CHDH: variants seen among roughly 807,000 people sequenced by gnomAD.
CHDH encodes the protein choline dehydrogenase, mitochondrial.
A neutral mutation model predicts 56.9 loss-of-function variants in CHDH; 43 were observed. The ratio of observed to expected loss-of-function variants is 0.76; its 90% confidence interval spans 0.59 to 0.97. The LOEUF is 0.97. Among genes scored for constraint, CHDH ranks in the 50% least tolerant of loss-of-function variants. The probability of loss-of-function intolerance (pLI) is 0.00; values close to 1 mark genes in which losing one functional copy is unlikely to be tolerated. For synonymous variants in CHDH, 364 were observed against 348.5 expected (o/e 1.04, Z -0.50); for missense variants, 816 against 821.1 (o/e 0.99, Z 0.08).
intron 2 of CHDH, among the ~76,000 whole-genome samples, chr3:53,832,485 T>TCC (rs1698367587): frequency 6.6e-6 from 1 of 151,784 alleles, no homozygotes; most frequent in Admixed American, 6.6e-5. Flanking sequence ...TGAGCCGAGA[T>TCC]CGTACCACTG....
At chr3:53,824,880 A>G (rs1559754216) in intron 2 of CHDH, among the ~76,000 whole-genome samples, 1 of 152,240 alleles carries the variant, frequency 6.6e-6, no homozygotes, top group Non-Finnish European at 1.5e-5. Context: ...AGGCCTGCCC[A>G]AGACAGGCTG....
In CHDH at chr3:53,819,073, C is replaced by T. The variant is rs750473356; in HGVS notation, c.1264-33G>A. 3 of 1,445,548 alleles carry T rather than the reference C, an allele frequency of 2.1e-6. No homozygotes were observed. The Admixed American group carries it at 5.1e-5, about 25-fold the overall frequency. 89.5% of individuals were successfully genotyped at this position (1,445,548 alleles called of 1,614,324 possible). A position where few individuals can be genotyped will look rare whatever the true frequency, so the allele number is the denominator to read the frequency against. On this transcript the variant is annotated intron_variant, in intron 7 of 8. Coordinates refer to ENST00000315251, the MANE Select transcript of CHDH (RefSeq NM_018397.5). This position sits in a 1 kb window ranked among gnomAD's most constrained non-coding sequence, Gnocchi z 5.4. ...AACACAGAGGAAGCAGTGACGGTCCCTCCATAGACATCCACAGTGACCTCT... is the reference window on the plus strand; with the variant it reads ...AACACAGAGGAAGCAGTGACGGTCCTTCCATAGACATCCACAGTGACCTCT...
intron 2 of CHDH, among the ~76,000 whole-genome samples, chr3:53,836,269 T>TC (rs1260196257): frequency 1.3e-5 from 2 of 152,006 alleles, no homozygotes. Context: ...GGCCTCCATC[T>TC]CCCTAAGACA....
chr3:53,824,369 G>A (rs1038575720), intron 2 of CHDH, among the ~76,000 whole-genome samples: 5 of 152,190 alleles, frequency 3.3e-5, no homozygotes, highest in Non-Finnish European at 7.3e-5. Flanking sequence ...TGGAAGGCAG[G>A]GGGGCAAAGG....
At chr3:53,841,720 A>G (rs539985541) in intron 1 of CHDH, among the ~76,000 whole-genome samples, 6 of 152,198 alleles carry the variant, frequency 3.9e-5, no homozygotes, top group Non-Finnish European at 7.3e-5. Flanking sequence ...ACTGAAATTA[A>G]TCAGGAGCTG....
At chr3:53,845,559 CT>C (rs1397169562) in intron 1 of CHDH, among the ~76,000 whole-genome samples, 2 of 152,156 alleles carry the variant, frequency 1.3e-5, no homozygotes, top group Non-Finnish European at 2.9e-5. Context: ...TTTTTGTGAA[CT>C]TTCCCCCAAA....
At position 53,815,341 on chromosome 3, in the gene CHDH, C is replaced by T. The variant is rs2106951558; in HGVS notation, c.*2436G>A. On this transcript the variant is annotated 3_prime_UTR_variant, in exon 9 of 9. Transcript: ENST00000315251. ...AAGATGGGGGGGTACCCTCTGTGCA[C>T]CCCACTTTGTAGCAAGTGCCTTTCT... 1 of 152,380 alleles carries T rather than the reference C, an allele frequency of 6.6e-6. No homozygotes were observed. The highest frequency in any genetic ancestry group is 6.5e-5 in the Admixed American group (1 of 15,306). The allele number at this position is 152,380 out of a possible 1,614,324, so 9.4% of individuals were successfully genotyped here.
intron 4 of CHDH, among the ~76,000 whole-genome samples, chr3:53,822,246 G>A (rs1292390526): frequency 1.3e-5 from 2 of 151,930 alleles, no homozygotes; most frequent in South Asian, 2.1e-4. Context: ...GGTACTGGGG[G>A]AGAGCTCTGA....
chr3:53,817,744 G>A lies in CHDH; in HGVS notation c.*33C>T, dbSNP rs2095618298. On this transcript the variant is annotated 3_prime_UTR_variant, in exon 9 of 9. Transcript: ENST00000315251. ...TGCTGGCCCTCTTGGCTTATCAGGGGGCTTCCCTGGTCATCCTCCAGCAGC... is the reference window on the plus strand; with the variant it reads ...TGCTGGCCCTCTTGGCTTATCAGGGAGCTTCCCTGGTCATCCTCCAGCAGC... The A allele has an allele frequency of 3.9e-6, 6 of 1,551,488 alleles. No homozygotes were observed. The South Asian group carries it at 5.0e-5, about 13-fold the overall frequency.
At chr3:53,832,813 C>A (rs890857893) in intron 2 of CHDH, among the ~76,000 whole-genome samples, 1 of 152,120 alleles carries the variant, frequency 6.6e-6, no homozygotes, top group Non-Finnish European at 1.5e-5. Context: ...TTTGGGGGAA[C>A]AGAGCTTCTG....
intron 2 of CHDH, among the ~76,000 whole-genome samples, chr3:53,825,175 T>C (rs1287987751): frequency 1.3e-5 from 2 of 152,224 alleles, no homozygotes; most frequent in African/African-American, 2.4e-5. Flanking sequence ...TTGCTAGGTA[T>C]ACTGTTTACC....
chr3:53,818,957 C>T lies in CHDH; in HGVS notation c.1347G>A (p.Gln449=), dbSNP rs1297559882. The T allele has an allele frequency of 1.2e-6, 2 of 1,613,092 alleles. No homozygotes were observed. The highest frequency in any genetic ancestry group is 2.2e-5 in the East Asian group (1 of 44,876). The stretch of plus-strand genomic sequence containing the variant: ...AAGTACCTGTTGACAAGTAGTTGGG[C>T]TGGATCACAGGGTGGTCTTGGGGAT... The part of the protein sequence containing the change: ...SANPQDHPVI[Q]PNYLSTETDI... Residue 449 remains glutamine, a synonymous_variant, in exon 8 of 9, where the codon CAG becomes CAA. Transcript: ENST00000315251.
At chr3:53,844,780 C>G (rs1698800967) in intron 1 of CHDH, 1 of 152,306 alleles carries the variant, frequency 6.6e-6, no homozygotes, top group African/African-American at 2.4e-5. Flanking sequence ...CTCTATTTTG[C>G]CCTGCAGAGC....
chr3:53,822,781 AAAGACCCTGC>A (rs376214283), intron 3 of CHDH, 139 bp from the exon 4 acceptor site: 13 of 1,168,886 alleles, frequency 1.1e-5, no homozygotes, highest in East Asian at 2.6e-5. Context: ...GCTGAGACGG[AAAGACCCTGC>A]AAGACCCTGC....
rs1429436235 is a variant in CHDH at position 53,818,040 on chromosome 3, T to C, written c.1522A>G (p.Ser508Gly). The change falls in exon 9 of 9, where the codon AGC (serine) becomes GGC (glycine). Residue 508 changes from serine (S) to glycine (G), a missense_variant. Coordinates refer to ENST00000315251, the MANE Select transcript of CHDH (RefSeq NM_018397.5). The part of the protein sequence containing the change: ...IDAFVRAKAD[S>G]AYHPSCTCKM... ...CAGGTGCACGAGGGGTGGTAGGCGC[T>C]GTCGGCTTTTGCCCGCACAAAGGCA... is the stretch of plus-strand genomic sequence containing the variant. 1 of 1,614,088 alleles carries C rather than the reference T, an allele frequency of 6.2e-7. No individual in the cohort carries two copies. Among genetic ancestry groups the C allele is most frequent in the Non-Finnish European group, 8.5e-7 (1 of 1,180,042 alleles).
In CHDH at chr3:53,830,418, A is replaced by G. The variant is rs964113647; in HGVS notation, c.-59-6351T>C. On this transcript the variant is annotated intron_variant, in intron 2 of 8. Transcript: ENST00000315251. Reference sequence around the variant, plus strand: ...TAAATGAGATTATATATATATATATATATCTTCACATATATTTGTATATAT... The same window carrying G: ...TAAATGAGATTATATATATATATATGTATCTTCACATATATTTGTATATAT... 5.9e-5 allele frequency among the ~76,000 whole-genome samples: 9 copies of G among 151,318 alleles called. No individual in the cohort carries two copies. The East Asian group carries it at 1.7e-3, about 29-fold the overall frequency.
chr3:53,825,716 T>C (rs1218061583), intron 2 of CHDH, among the ~76,000 whole-genome samples: 2 of 152,110 alleles, frequency 1.3e-5, no homozygotes, highest in Non-Finnish European at 2.9e-5. Flanking sequence ...CAAAACACTA[T>C]GGATTCAAGA....
At chr3:53,820,645 A>C in intron 5 of CHDH, 37 bp from the exon 6 acceptor site, 1 of 1,592,512 alleles carries the variant, frequency 6.3e-7, no homozygotes, top group Non-Finnish European at 8.5e-7. Flanking sequence ...AATGGCTACC[A>C]AGGGGGCTCA....
chr3:53,820,409 C>A, intron 6 of CHDH, 65 bp downstream of exon 6: 2 of 1,545,640 alleles, frequency 1.3e-6, no homozygotes, highest in Non-Finnish European at 8.7e-7. Context: ...CTGTTCAGCT[C>A]CTCAGGAAGG....
Sources: allele counts gnomAD v4.1 joint callset (sites outside exome capture counted in the v4.1 genomes callset), GRCh38; gene constraint gnomAD v4.1.1; non-coding constraint Gnocchi (gnomAD v3.1); transcripts MANE v1.5; gene names NCBI Gene and HGNC (gene_info 2026-07-23, HGNC 2026-07-21).